Variants in IRX2 observed in about 807,000 individuals in gnomAD.
IRX2 encodes iroquois homeobox 2, also known as iroquois-class homeodomain protein IRX-2.
IRX2 carries 26 observed loss-of-function variants against 42.9 expected under a neutral mutation model. The ratio of observed to expected loss-of-function variants is 0.61; its 90% CI spans 0.44 to 0.84. IRX2 has a LOEUF of 0.84. IRX2 is among the 40% of genes least tolerant of loss of function. The pLI, the probability that IRX2 is intolerant of heterozygous loss-of-function variation, is 0.00. For synonymous variants in IRX2, 424 were observed against 353.9 expected (o/e 1.20, Z -2.22); for missense variants, 782 against 713.9 (o/e 1.10, Z -1.09).
At chr5:2,744,476 T>G (rs1325620682), downstream of IRX2, among the ~76,000 whole-genome samples, 1 of 152,180 alleles carries the variant, frequency 6.6e-6, no homozygotes, top group African/African-American at 2.4e-5. Context: ...ACGTAAGACC[T>G]TCAGACAACA....
chr5:2,742,835 T>C (rs1286018889), downstream of IRX2, among the ~76,000 whole-genome samples: 1 of 152,194 alleles, frequency 6.6e-6, no homozygotes, highest in Non-Finnish European at 1.5e-5. Context: ...TCTGTTTAAT[T>C]AGGCTGTAAC....
At chr5:2,742,047 C>T (rs536472227), downstream of IRX2, among the ~76,000 whole-genome samples, 6 of 152,296 alleles carry the variant, frequency 3.9e-5, no homozygotes, top group East Asian at 7.7e-4. Flanking sequence ...AACACTCTGC[C>T]TTCACGGTAG....
rs1238623661 is a variant in IRX2, at chr5:2,746,423, G to A, written c.*1141C>T. The stretch of plus-strand genomic sequence containing the variant: ...TCTTCCATCACGTTTTATTTCTACT[G>A]TGTACATCTTTTACAAATAAACTTT... On this transcript the variant is annotated 3_prime_UTR_variant, in exon 4 of 4. Coordinates refer to ENST00000302057, the MANE Select transcript of IRX2 (RefSeq NM_033267.5). The A allele has an allele frequency of 6.6e-6, 1 of 152,074 alleles. No individual in the cohort carries two copies. The highest frequency in any genetic ancestry group is 1.5e-5 in the Non-Finnish European group (1 of 68,024). 9.4% of individuals were successfully genotyped at this position (152,074 alleles called of 1,614,324 possible). A position where few individuals can be genotyped will look rare whatever the true frequency, so the allele number is the denominator to read the frequency against.
chr5:2,748,900 C>T lies in IRX2; in HGVS notation c.808G>A (p.Asp270Asn), dbSNP rs972240580. The change falls in exon 3 of 4, where the codon GAC becomes AAC. Residue 270 changes from aspartate to asparagine, a missense_variant. Asp to Asn is a conservative substitution (Grantham distance 23, BLOSUM62 1). Coordinates refer to ENST00000302057, the MANE Select transcript of IRX2 (RefSeq NM_033267.5). ...GCCAGGCCCCGCTCGCCCTCCTCGT[C>T]GTCGTCCTCGTCGTCCTCCAGGTCG... Reference protein sequence around the residue: ...YDDLEDDEDDDEEGERGLAPP... With the variant: ...YDDLEDDEDDNEEGERGLAPP... The T allele has an allele frequency of 3.8e-6, 6 of 1,595,814 alleles. No homozygotes were observed. The highest frequency in any genetic ancestry group is 8.5e-7 in the Non-Finnish European group (1 of 1,179,052).
At chr5:2,741,680 T>TC (rs1737543244), downstream of IRX2, among the ~76,000 whole-genome samples, 1 of 152,198 alleles carries the variant, frequency 6.6e-6, no homozygotes, top group Admixed American at 6.5e-5. Flanking sequence ...TCAATTTATC[T>TC]CCCCACAAAA....
At position 2,748,254 on chromosome 5, in the gene IRX2, C is replaced by T. The variant is rs547608906; in HGVS notation, c.1363+91G>A. On this transcript the variant is annotated intron_variant, in intron 3 of 3. Transcript: ENST00000302057. ...AGGAGTGGCCCCCTGGATCTTCTTC[C>T]CGGACCCTCCCTCGGGTCTCCCGGG... The T allele has an allele frequency of 7.4e-6, 9 of 1,219,108 alleles. No homozygotes were observed. In the Admixed American group the frequency reaches 2.9e-4, roughly 40 times the overall value. The allele number at this position is 1,219,108 out of a possible 1,614,324, so 75.5% of individuals were successfully genotyped here. A position where few individuals can be genotyped will look rare whatever the true frequency, so the allele number is the denominator to read the frequency against.
downstream of IRX2, among the ~76,000 whole-genome samples, chr5:2,742,575 T>G (rs1737566824): frequency 6.6e-6 from 1 of 152,254 alleles, no homozygotes; most frequent in African/African-American, 2.4e-5. Flanking sequence ...TAAAATGTTA[T>G]GTTTGTAAAA....
Position 2,746,684 on chromosome 5 carries a change from T to G in IRX2, c.*880A>C, listed in dbSNP as rs1737673945. The G allele has an allele frequency of 6.6e-6, 1 of 152,210 alleles. No homozygotes were observed. Among genetic ancestry groups the G allele is most frequent in the South Asian group, 2.1e-4 (1 of 4,824 alleles). The allele number at this position is 152,210 out of a possible 1,614,324, so 9.4% of individuals were successfully genotyped here. ...AGTGGCACAAGATGTGGTCTGGATT[T>G]AGACATCTGTTTGTTGTATCTGTAA... On this transcript the variant is annotated 3_prime_UTR_variant, in exon 4 of 4. Coordinates refer to ENST00000302057, the MANE Select transcript of IRX2 (RefSeq NM_033267.5).
At chr5:2,750,272 C>T (rs1737891771) in intron 1 of IRX2, among the ~76,000 whole-genome samples, 1 of 152,246 alleles carries the variant, frequency 6.6e-6, no homozygotes, top group South Asian at 2.1e-4. Flanking sequence ...AGAAGCCAGT[C>T]ACCGTTTCGA....
At chr5:2,744,467 C>T (rs1027853913), downstream of IRX2, among the ~76,000 whole-genome samples, 8 of 152,120 alleles carry the variant, frequency 5.3e-5, no homozygotes, top group Admixed American at 2.0e-4. Context: ...AAGTAAGCTA[C>T]GTAAGACCTT....
At chr5:2,740,187 G>T in the IRX2 span, among the ~76,000 whole-genome samples, 3 of 150,366 alleles carry the variant, frequency 2.0e-5, no homozygotes, top group Non-Finnish European at 4.4e-5. Context: ...GCGTGCGGGG[G>T]CGGGGGTCCT....
rs1354621045 is a variant in IRX2, at chr5:2,751,567, G to T, written c.-154C>A. 2.0e-5 allele frequency: 6 copies of T among 295,356 alleles called. No individual in the cohort carries two copies. Among genetic ancestry groups the T allele is most frequent in the Non-Finnish European group, 2.5e-5 (5 of 203,358 alleles). The allele number at this position is 295,356 out of a possible 1,614,324, so 18.3% of individuals were successfully genotyped here. ...CCGGGTACTAGCCTGGGCGGCCCGC[G>T]GGCCGGGGCGGCGGCGGGGTGGCGG... is the stretch of plus-strand genomic sequence containing the variant. On this transcript the variant is annotated 5_prime_UTR_variant, in exon 1 of 4. Transcript: ENST00000302057. The surrounding 1 kb of genome is among the most constrained non-coding windows in gnomAD (Gnocchi z 4.0).
At position 2,748,897 on chromosome 5, in the gene IRX2, C is replaced by G. The variant is rs111614286; in HGVS notation, c.811G>C (p.Glu271Gln). Residue 271 changes from glutamate (E) to glutamine (Q), a missense_variant, in exon 3 of 4, where the codon GAG becomes CAG. By Grantham distance (29) the Glu-to-Gln change is conservative. Transcript: ENST00000302057. ...GGCGCCAGGCCCCGCTCGCCCTCCTCGTCGTCGTCCTCGTCGTCCTCCAGG... is the reference window on the plus strand; with the variant it reads ...GGCGCCAGGCCCCGCTCGCCCTCCTGGTCGTCGTCCTCGTCGTCCTCCAGG... ...DDLEDDEDDD[E>Q]EGERGLAPPK... is the part of the protein sequence containing the mutation. The G allele has an allele frequency of 6.3e-7, 1 of 1,595,870 alleles. No individual in the cohort carries two copies. Among genetic ancestry groups the G allele is most frequent in the Non-Finnish European group, 8.5e-7 (1 of 1,179,088 alleles).
chr5:2,749,770 C>A lies in IRX2; in HGVS notation c.267G>T (p.Ala89=). ...TGGCGCCGGTCATGCCGGTGGTGTGCGCGTCGTAGGGTGCGCCCTGGAACC... is the reference window on the plus strand; with the variant it reads ...TGGCGCCGGTCATGCCGGTGGTGTGAGCGTCGTAGGGTGCGCCCTGGAACC... ...FPSYMGAPYD[A]HTTGMTGAIS... Residue 89 remains alanine (A), a synonymous_variant, in exon 2 of 4, where the codon GCG becomes GCT. Transcript: ENST00000302057. 6.2e-7 allele frequency: 1 copy of A among 1,608,076 alleles called. No homozygotes were observed. Among genetic ancestry groups the A allele is most frequent in the Non-Finnish European group, 8.5e-7 (1 of 1,177,144 alleles).
At chr5:2,743,531 G>C (rs1186297635), downstream of IRX2, among the ~76,000 whole-genome samples, 1 of 148,342 alleles carries the variant, frequency 6.7e-6, no homozygotes, top group African/African-American at 2.4e-5. Flanking sequence ...CGGGCGCCGG[G>C]CCGCGGAGCC....
downstream of IRX2, among the ~76,000 whole-genome samples, chr5:2,743,736 C>T (rs1367056260): frequency 6.7e-6 from 1 of 150,160 alleles, no homozygotes; most frequent in Non-Finnish European, 1.5e-5. Flanking sequence ...CATTAACTTC[C>T]CTCTCCAGTG....
At chr5:2,741,122 C>T (rs1279986356), downstream of IRX2, among the ~76,000 whole-genome samples, 1 of 152,272 alleles carries the variant, frequency 6.6e-6, no homozygotes, top group African/African-American at 2.4e-5. Context: ...ACCGCAACGC[C>T]GCTATTAGTA....
chr5:2,737,128 G>A, the IRX2 span: 1 of 152,200 alleles, frequency 6.6e-6, no homozygotes, highest in African/African-American at 2.4e-5. Context: ...CATGCCTGTG[G>A]AACCCCAAAA....
downstream of IRX2, chr5:2,746,115 C>T (rs1540709): frequency 6.6e-6 from 1 of 151,384 alleles, no homozygotes; most frequent in Admixed American, 6.6e-5. Flanking sequence ...TATTCACTAG[C>T]GCTCTACCCC....
Sources: allele counts gnomAD v4.1 joint callset (sites outside exome capture counted in the v4.1 genomes callset), GRCh38; gene constraint gnomAD v4.1.1; non-coding constraint Gnocchi (gnomAD v3.1); transcripts MANE v1.5; gene names NCBI Gene and HGNC (gene_info 2026-07-23, HGNC 2026-07-21).